Variants in RAB38 observed in about 807,000 individuals in gnomAD.
The protein encoded by RAB38 is RAB38, member RAS oncogene family, also known as ras-related protein Rab-38.
RAB38 carries 15 observed loss-of-function variants against 18.4 expected under a neutral mutation model. The ratio of observed to expected loss-of-function variants is 0.82; its 90% CI spans 0.55 to 1.26. RAB38 has a LOEUF of 1.26. RAB38 is among the 50% of genes most tolerant of loss of function. The probability of loss-of-function intolerance (pLI) is 0.00; values close to 1 mark genes in which losing one functional copy is unlikely to be tolerated. For missense variants in RAB38, 294 were observed against 267.4 expected (o/e 1.10, Z -0.69); for synonymous variants, 101 against 104.4 (o/e 0.97, Z 0.20).
At chr11:87,834,727 C>T in the RAB38 span, among the ~76,000 whole-genome samples, 1 of 152,080 alleles carries the variant, frequency 6.6e-6, no homozygotes, top group Non-Finnish European at 1.5e-5. Context: ...ATTGACAGGT[C>T]CTGAGTTTAG....
chr11:87,972,540 C>G, the RAB38 span, among the ~76,000 whole-genome samples: 1 of 151,866 alleles, frequency 6.6e-6, no homozygotes, highest in South Asian at 2.1e-4. Flanking sequence ...TCCACATTAA[C>G]AGATTTAAAG....
the RAB38 span, among the ~76,000 whole-genome samples, chr11:87,901,161 C>A: frequency 2.0e-5 from 3 of 151,450 alleles, no homozygotes; most frequent in Non-Finnish European, 4.4e-5. Context: ...CTGGTGTATG[C>A]CTCCTTTATA....
chr11:88,054,139 A>T, the RAB38 span, among the ~76,000 whole-genome samples: 707 of 152,292 alleles, frequency 4.6e-3, 4 homozygotes, highest in African/African-American at 0.016. Flanking sequence ...CATCTCTAAG[A>T]ACTTAGCTAT....
chr11:87,963,761 CTCAGCCTCCCAAG>C, the RAB38 span, among the ~76,000 whole-genome samples: 1 of 151,856 alleles, frequency 6.6e-6, no homozygotes, highest in Non-Finnish European at 1.5e-5. Flanking sequence ...ATTCTCCTGC[CTCAGCCTCCCAAG>C]TAGCTGGGAT....
At chr11:87,969,831 G>C in the RAB38 span, among the ~76,000 whole-genome samples, 1 of 152,044 alleles carries the variant, frequency 6.6e-6, no homozygotes, top group Admixed American at 6.6e-5. Flanking sequence ...TTTTCTTTCT[G>C]TGGTGACACA....
the RAB38 span, among the ~76,000 whole-genome samples, chr11:87,831,103 A>G: frequency 5.3e-4 from 80 of 152,154 alleles, no homozygotes; most frequent in Non-Finnish European, 8.7e-4. Flanking sequence ...TACCGTGCCT[A>G]GCTGGAAATT....
chr11:88,089,335 T>C, the RAB38 span, among the ~76,000 whole-genome samples: 8 of 151,494 alleles, frequency 5.3e-5, no homozygotes, highest in Admixed American at 5.3e-4. Flanking sequence ...GTCCCTAGTG[T>C]AAACTTTATA....
At chr11:88,147,933 A>C (rs1943012081) in intron 2 of RAB38, among the ~76,000 whole-genome samples, 1 of 152,070 alleles carries the variant, frequency 6.6e-6, no homozygotes, top group Non-Finnish European at 1.5e-5. Context: ...GACTACAAAA[A>C]GATACCATGC....
the RAB38 span, among the ~76,000 whole-genome samples, chr11:88,102,900 G>A: frequency 2.0e-5 from 3 of 151,860 alleles, no homozygotes; most frequent in South Asian, 6.2e-4. Context: ...TGTTACTCCC[G>A]TCTCCTCCCT....
At chr11:88,089,429 G>A in the RAB38 span, among the ~76,000 whole-genome samples, 1 of 152,058 alleles carries the variant, frequency 6.6e-6, no homozygotes, top group East Asian at 1.9e-4. Flanking sequence ...GGGGCAGATT[G>A]AGTAATAAAA....
At chr11:88,057,817 G>A in the RAB38 span, among the ~76,000 whole-genome samples, 89,799 of 151,932 alleles carry the variant, frequency 0.59, 27,755 homozygotes, top group Non-Finnish European at 0.68. Flanking sequence ...CATTGCTTAG[G>A]ATCTTTTATC....
chr11:87,840,354 A>G, the RAB38 span, among the ~76,000 whole-genome samples: 1 of 152,224 alleles, frequency 6.6e-6, no homozygotes, highest in Non-Finnish European at 1.5e-5. Flanking sequence ...AGCAAATAGT[A>G]TAAAACTAAG....
chr11:87,830,853 C>T, the RAB38 span, among the ~76,000 whole-genome samples: 1 of 151,966 alleles, frequency 6.6e-6, no homozygotes, highest in Non-Finnish European at 1.5e-5. Context: ...GGCTGGGGTG[C>T]AGTGGTGTGG....
intron 1 of RAB38, among the ~76,000 whole-genome samples, chr11:88,172,864 TA>T (rs1172211694): frequency 6.6e-6 from 1 of 152,214 alleles, no homozygotes; most frequent in East Asian, 1.9e-4. Context: ...ATAATTCAGC[TA>T]ACAGGGCCTT....
At chr11:87,916,037 C>T in the RAB38 span, among the ~76,000 whole-genome samples, 1 of 152,118 alleles carries the variant, frequency 6.6e-6, no homozygotes, top group Non-Finnish European at 1.5e-5. Context: ...AAATGTCTGT[C>T]TCACAATTGT....
At chr11:88,095,887 C>T in the RAB38 span, among the ~76,000 whole-genome samples, 26 of 151,868 alleles carry the variant, frequency 1.7e-4, 1 homozygote, top group Admixed American at 3.3e-4. Flanking sequence ...ATCAGGAAAT[C>T]GCTTTGGTTC....
the RAB38 span, among the ~76,000 whole-genome samples, chr11:88,044,082 G>T: frequency 6.6e-6 from 1 of 152,120 alleles, no homozygotes; most frequent in Non-Finnish European, 1.5e-5. Context: ...TTCGGGTAGA[G>T]ACAAAGGAGA....
intron 2 of RAB38, among the ~76,000 whole-genome samples, chr11:88,126,700 TAATA>T (rs545609276): frequency 0.011 from 425 of 39,688 alleles, 2 homozygotes; most frequent in African/African-American, 0.042. Context: ...TAAAGTATAA[TAATA>T]AAAAAAAAAA....
chr11:88,004,114 G>A, the RAB38 span, among the ~76,000 whole-genome samples: 1 of 145,610 alleles, frequency 6.9e-6, no homozygotes, highest in African/African-American at 2.5e-5. Flanking sequence ...ATGAAACCTC[G>A]TTTTAGCAGT....
Sources: gnomAD v4.1 joint callset for allele counts (sites outside exome capture counted in the v4.1 genomes callset) on GRCh38, gnomAD v4.1.1 for gene constraint, MANE v1.5 for transcripts, NCBI Gene and HGNC (gene_info 2026-07-23, HGNC 2026-07-21) for gene names.